The following DIS3L2 variants were observed in gnomAD, a reference collection of about 807,000 sequenced individuals.
DIS3L2 encodes DIS3-like exonuclease 2.
DIS3L2 carries 34 observed loss-of-function variants against 97.5 expected under a neutral mutation model. That is an observed-to-expected ratio of 0.35 (90% CI 0.27 to 0.46). The LOEUF (loss-of-function observed/expected upper bound fraction) is 0.46. DIS3L2 is among the 20% of genes least tolerant of loss of function. The probability of loss-of-function intolerance (pLI) is 1.00; values close to 1 mark genes in which losing one functional copy is unlikely to be tolerated. For synonymous variants in DIS3L2, 435 were observed against 445.2 expected (o/e 0.98, Z 0.29); for missense variants, 1,038 against 1,146.0 (o/e 0.91, Z 1.36).
chr2:231,995,824 C>T (rs966461256), intron 1 of DIS3L2, among the ~76,000 whole-genome samples: 3 of 152,174 alleles, frequency 2.0e-5, no homozygotes, highest in Non-Finnish European at 4.4e-5. Flanking sequence ...ATTGACTCCA[C>T]TATGTTACTA....
intron 6 of DIS3L2, among the ~76,000 whole-genome samples, chr2:232,122,043 T>C (rs1697922540): frequency 6.6e-6 from 1 of 152,130 alleles, no homozygotes; most frequent in African/African-American, 2.4e-5. Flanking sequence ...CCCAATACTT[T>C]AATCATGTCA....
chr2:232,307,398 A>G (rs1000648671), intron 14 of DIS3L2: 2 of 152,212 alleles, frequency 1.3e-5, no homozygotes, highest in African/African-American at 4.8e-5. Flanking sequence ...ACATCAGGGA[A>G]ACTGTCTTCA....
chr2:232,296,113 G>A (rs533832198), intron 13 of DIS3L2, among the ~76,000 whole-genome samples: 1 of 152,150 alleles, frequency 6.6e-6, no homozygotes, highest in African/African-American at 2.4e-5. Context: ...ATCTCAGATT[G>A]AACTCAAACT....
intron 13 of DIS3L2, among the ~76,000 whole-genome samples, chr2:232,291,628 G>A (rs1191110084): frequency 6.6e-6 from 1 of 152,246 alleles, no homozygotes; most frequent in East Asian, 1.9e-4. Flanking sequence ...TTGAACTGGA[G>A]CAATCCTGGC....
At chr2:232,038,832 G>T (rs1695026133) in intron 5 of DIS3L2, among the ~76,000 whole-genome samples, 1 of 151,948 alleles carries the variant, frequency 6.6e-6, no homozygotes, top group Non-Finnish European at 1.5e-5. Flanking sequence ...CTTTTTTCTT[G>T]GACAAAAATC....
intron 10 of DIS3L2, among the ~76,000 whole-genome samples, chr2:232,230,402 C>T (rs909671898): frequency 2.6e-5 from 4 of 152,224 alleles, no homozygotes; most frequent in African/African-American, 9.7e-5. Context: ...TTTCGCTCAG[C>T]CCCCTTGGTT....
At chr2:232,314,707 C>G (rs1695223322) in intron 14 of DIS3L2, among the ~76,000 whole-genome samples, 1 of 152,218 alleles carries the variant, frequency 6.6e-6, no homozygotes, top group Admixed American at 6.5e-5. Context: ...GATTTCCTGT[C>G]TGTCACGTTG....
chr2:232,012,914 A>G (rs1694248792), intron 1 of DIS3L2, among the ~76,000 whole-genome samples: 1 of 152,108 alleles, frequency 6.6e-6, no homozygotes, highest in Non-Finnish European at 1.5e-5. Context: ...CTTTATGCAA[A>G]TGACTGGCTA....
chr2:231,992,541 C>T (rs935196056), intron 1 of DIS3L2, among the ~76,000 whole-genome samples: 14 of 152,184 alleles, frequency 9.2e-5, no homozygotes, highest in African/African-American at 2.9e-4. Context: ...GGCTAAATTT[C>T]ACAAGCAATC....
At chr2:232,171,875 A>G (rs1691000435) in intron 9 of DIS3L2, among the ~76,000 whole-genome samples, 4 of 152,184 alleles carry the variant, frequency 2.6e-5, no homozygotes, top group Admixed American at 2.0e-4. Context: ...AAAGACAAAT[A>G]CTCAAAGATC....
At chr2:232,135,570 G>A (rs763909376) in intron 7 of DIS3L2, among the ~76,000 whole-genome samples, 1 of 152,148 alleles carries the variant, frequency 6.6e-6, no homozygotes, top group Non-Finnish European at 1.5e-5. Context: ...AGAAAGTAGA[G>A]CATGTTTTGG....
At chr2:232,054,831 A>G (rs1386205945) in intron 5 of DIS3L2, among the ~76,000 whole-genome samples, 3 of 152,240 alleles carry the variant, frequency 2.0e-5, no homozygotes, top group African/African-American at 7.2e-5. Context: ...AAGTCCTTTT[A>G]TAAACACAGA....
At chr2:232,214,755 T>C (rs1692286798) in intron 10 of DIS3L2, among the ~76,000 whole-genome samples, 1 of 152,218 alleles carries the variant, frequency 6.6e-6, no homozygotes, top group Non-Finnish European at 1.5e-5. Flanking sequence ...TAGTCAAGCA[T>C]TGTGGCTTTG....
chr2:232,344,145 GGA>G, exon 14 of DIS3L2: 1 of 152,406 alleles, frequency 6.6e-6, no homozygotes, highest in East Asian at 1.9e-4. Context: ...CTAAACTCGT[GGA>G]GGGTCAGTTT....
chr2:232,251,835 A>G (rs1444221217), intron 12 of DIS3L2, among the ~76,000 whole-genome samples: 1 of 152,230 alleles, frequency 6.6e-6, no homozygotes, highest in African/African-American at 2.4e-5. Flanking sequence ...GCTATCAATA[A>G]AAAGGGTAGG....
intron 9 of DIS3L2, among the ~76,000 whole-genome samples, chr2:232,184,376 G>A (rs990941281): frequency 5.4e-4 from 82 of 152,284 alleles, no homozygotes; most frequent in African/African-American, 1.7e-3. Flanking sequence ...GGTCGGGTGC[G>A]TGGCTCATAC....
At chr2:232,027,876 G>T (rs916200597) in intron 4 of DIS3L2, among the ~76,000 whole-genome samples, 1 of 152,130 alleles carries the variant, frequency 6.6e-6, no homozygotes, top group Non-Finnish European at 1.5e-5. Flanking sequence ...AAGATAAAAT[G>T]ATATTATTGT....
chr2:231,970,260 T>A (rs563102742), intron 1 of DIS3L2, among the ~76,000 whole-genome samples: 1 of 152,328 alleles, frequency 6.6e-6, no homozygotes, highest in African/African-American at 2.4e-5. Flanking sequence ...TTTTCATTTG[T>A]TAATATGGTG....
chr2:232,343,336 AG>A (rs1315000873), intron 13 of DIS3L2: 2 of 1,551,050 alleles, frequency 1.3e-6, no homozygotes, highest in African/African-American at 2.7e-5. Context: ...GACACGGAAA[AG>A]GGCCCAGCAG....
Sources: gnomAD v4.1 joint callset for allele counts (sites outside exome capture counted in the v4.1 genomes callset) on GRCh38, gnomAD v4.1.1 for gene constraint, MANE v1.5 for transcripts, NCBI Gene and HGNC (gene_info 2026-07-23, HGNC 2026-07-21) for gene names.